Variants in TRMT10A observed in about 807,000 individuals in gnomAD.
TRMT10A encodes tRNA methyltransferase 10A, also known as tRNA methyltransferase 10 homolog A.
In TRMT10A, 37 loss-of-function variants were observed where a neutral mutation model predicts 40.4. That is an observed-to-expected ratio of 0.92 (90% CI 0.71 to 1.21). The LOEUF (loss-of-function observed/expected upper bound fraction) is 1.21. Ranked by LOEUF, TRMT10A falls within the 50% of genes most tolerant of loss-of-function variation. The pLI is 0.00. For synonymous variants in TRMT10A, 103 were observed against 134.1 expected, an observed-to-expected ratio of 0.77 and a Z score of 1.60; for missense variants, 388 against 404.3, an observed-to-expected ratio of 0.96 and a Z score of 0.35.
intron 4 of TRMT10A, 68 bp from the exon 5 acceptor site, chr4:99,556,288 C>G: frequency 1.5e-6 from 2 of 1,353,372 alleles, no homozygotes; most frequent in Non-Finnish European, 2.1e-6. Flanking sequence ...TTTTATTTCT[C>G]TCATCTACTT....
intron 2 of TRMT10A, among the ~76,000 whole-genome samples, chr4:99,558,717 A>C (rs1207922012): frequency 6.6e-6 from 1 of 152,110 alleles, no homozygotes; most frequent in Non-Finnish European, 1.5e-5. Context: ...GCTTTCACCA[A>C]AACCTGCAAC....
At chr4:99,562,201 A>G (rs113839249) in intron 1 of TRMT10A, among the ~76,000 whole-genome samples, 4,103 of 136,112 alleles carry the variant, frequency 0.03, 122 homozygotes, top group Middle Eastern at 0.096. Context: ...ATATATATAT[A>G]TGTGTGTGTG....
chr4:99,554,154 T>C (rs1724070375), intron 5 of TRMT10A, among the ~76,000 whole-genome samples: 1 of 152,206 alleles, frequency 6.6e-6, no homozygotes, highest in East Asian at 1.9e-4. Context: ...TTCCTCCTTG[T>C]TGGCCTCAGA....
intron 1 of TRMT10A, chr4:99,563,245 G>T (rs772190001): frequency 6.6e-6 from 1 of 152,370 alleles, no homozygotes. Flanking sequence ...AATTCTTTCA[G>T]AAAGTGACAA....
chr4:99,549,299 G>C lies in TRMT10A; in HGVS notation c.809C>G (p.Thr270Ser), dbSNP rs1723871971. The change falls in exon 8 of 8, where the codon ACT (threonine) becomes AGT (serine). Residue 270 changes from threonine (T) to serine (S), a missense_variant. By Grantham distance (58) the Thr-to-Ser change is moderately conservative (BLOSUM62 1). Transcript: ENST00000394876. ...ETRDWQEAFFTILPQRKGAVP... is the reference protein window; with the variant it reads ...ETRDWQEAFFSILPQRKGAVP... ...AGCTCCTTTCCGTTGGGGCAAGATA[G>C]TAAAAAATGCTTCTTGCCAGTCTCT... 1 of 1,613,954 alleles carries C rather than the reference G, an allele frequency of 6.2e-7. No individual in the cohort carries two copies.
At chr4:99,563,612 C>G in intron 1 of TRMT10A, 1 of 267,918 alleles carries the variant, frequency 3.7e-6, no homozygotes, top group Non-Finnish European at 7.6e-6. Flanking sequence ...ACGGAAAGCG[C>G]CCCACCACGG....
At position 99,547,121 on chromosome 4, in the gene TRMT10A, T is replaced by G. The variant is rs1453563959; in HGVS notation, c.*1967A>C. The G allele has an allele frequency of 6.6e-6, 1 of 152,060 alleles. No homozygotes were observed. The highest frequency in any genetic ancestry group is 2.4e-5 in the African/African-American group (1 of 41,392). 9.4% of individuals were successfully genotyped at this position (152,060 alleles called of 1,614,324 possible). ...GGTGAACTCTAATCCAGTGCTGGTC[T>G]CCCTAGAAAAAGAGTTTGGACACGG... On this transcript the variant is annotated 3_prime_UTR_variant, in exon 8 of 8. Coordinates refer to ENST00000394876, the MANE Select transcript of TRMT10A (RefSeq NM_001134665.3).
chr4:99,554,339 C>T (rs1440051809), intron 5 of TRMT10A, among the ~76,000 whole-genome samples: 1 of 152,176 alleles, frequency 6.6e-6, no homozygotes, highest in East Asian at 1.9e-4. Context: ...AAAACAAACG[C>T]ATTTTTACTG....
At chr4:99,553,687 T>C in intron 6 of TRMT10A, 98 bp downstream of exon 6, 2 of 1,235,412 alleles carry the variant, frequency 1.6e-6, no homozygotes, top group Non-Finnish European at 2.2e-6. Context: ...AGGCACTCAA[T>C]AAAGATGAGC....
In TRMT10A at chr4:99,563,943, C is replaced by A. The variant is rs1228320584; in HGVS notation, c.-54G>T. The stretch of plus-strand genomic sequence containing the variant: ...TGAAGAGTTGACAGGGAAGTGAAAT[C>A]TCAGAAAGAAAGCCTTTCTGGGTTG... On this transcript the variant is annotated 5_prime_UTR_variant, in exon 1 of 8. Coordinates refer to ENST00000394876, the MANE Select transcript of TRMT10A (RefSeq NM_001134665.3). 1 of 929,642 alleles carries A rather than the reference C, an allele frequency of 1.1e-6. No homozygotes were observed. 57.6% of individuals were successfully genotyped at this position (929,642 alleles called of 1,614,324 possible). A position where few individuals can be genotyped will look rare whatever the true frequency, so the allele number is the denominator to read the frequency against.
At chr4:99,552,418 C>T (rs1007640536) in intron 6 of TRMT10A, among the ~76,000 whole-genome samples, 1 of 152,160 alleles carries the variant, frequency 6.6e-6, no homozygotes, top group Non-Finnish European at 1.5e-5. Context: ...CAGTAACACT[C>T]TGTATAGGTT....
At chr4:99,556,031 T>G in intron 5 of TRMT10A, 115 bp downstream of exon 5, 3 of 854,970 alleles carry the variant, frequency 3.5e-6, no homozygotes, top group Non-Finnish European at 5.3e-6. Context: ...GTTCAGAGAT[T>G]GCATCTGGAG....
In TRMT10A at chr4:99,548,851, A is replaced by C. The variant is rs1432244062; in HGVS notation, c.*237T>G. ...ATTATCTAGAAACTACTGAGGCTTT[A>C]AAAACAAAAACAAAAAAAATCACAT... is the stretch of plus-strand genomic sequence containing the variant. On this transcript the variant is annotated 3_prime_UTR_variant, in exon 8 of 8. Coordinates refer to ENST00000394876, the MANE Select transcript of TRMT10A (RefSeq NM_001134665.3). 3 of 377,048 alleles carry C rather than the reference A, an allele frequency of 8.0e-6. No individual in the cohort carries two copies. Among genetic ancestry groups the C allele is most frequent in the Non-Finnish European group, 1.4e-5 (3 of 215,242 alleles). 23.4% of individuals were successfully genotyped at this position (377,048 alleles called of 1,614,324 possible).
At position 99,557,333 on chromosome 4, in the gene TRMT10A, C is replaced by A. The variant is rs1200742137; in HGVS notation, c.420+12G>T. ...AGAAAACTAGAGTCTGCTTTAAAATCTTTACACATACCTGCACAGGATGCA... is the reference window on the plus strand; with the variant it reads ...AGAAAACTAGAGTCTGCTTTAAAATATTTACACATACCTGCACAGGATGCA... On this transcript the variant is annotated intron_variant, in intron 4 of 7. Coordinates refer to ENST00000394876, the MANE Select transcript of TRMT10A (RefSeq NM_001134665.3). The A allele has an allele frequency of 1.2e-6, 2 of 1,606,318 alleles. No homozygotes were observed. The highest frequency in any genetic ancestry group is 1.3e-5 in the African/African-American group (1 of 74,338).
intron 3 of TRMT10A, chr4:99,557,737 C>T: frequency 2.5e-6 from 1 of 405,218 alleles, no homozygotes; most frequent in Non-Finnish European, 4.4e-6. Flanking sequence ...TTACCAACAA[C>T]ACTGGTAAAA....
At chr4:99,558,513 TTTGAG>T (rs1724257418) in intron 2 of TRMT10A, among the ~76,000 whole-genome samples, 1 of 152,122 alleles carries the variant, frequency 6.6e-6, no homozygotes, top group South Asian at 2.1e-4. Flanking sequence ...AAATACTGAG[TTTGAG>T]TTATGACGAA....
chr4:99,563,060 A>G (rs1724509481), intron 1 of TRMT10A, among the ~76,000 whole-genome samples: 1 of 151,990 alleles, frequency 6.6e-6, no homozygotes, highest in African/African-American at 2.4e-5. Flanking sequence ...ACCTCAGGTG[A>G]TCCACCCGCC....
intron 5 of TRMT10A, among the ~76,000 whole-genome samples, chr4:99,555,271 T>C (rs73832826): frequency 6.6e-6 from 1 of 152,156 alleles, no homozygotes. Context: ...TCATAGGCTA[T>C]TAATAAAATA....
chr4:99,550,705 C>T (rs906212073), intron 7 of TRMT10A, among the ~76,000 whole-genome samples, 180 bp downstream of exon 7: 5 of 152,186 alleles, frequency 3.3e-5, no homozygotes, highest in East Asian at 1.9e-4. Flanking sequence ...TTAATACTTT[C>T]GTACATTTTC....
Sources: gnomAD v4.1 joint callset for allele counts (sites outside exome capture counted in the v4.1 genomes callset) on GRCh38, gnomAD v4.1.1 for gene constraint, MANE v1.5 for transcripts, NCBI Gene and HGNC (gene_info 2026-07-23, HGNC 2026-07-21) for gene names.